The following CCDC171 variants were observed in gnomAD, a reference collection of about 807,000 sequenced individuals.
The protein encoded by CCDC171 is coiled-coil domain-containing protein 171.
CCDC171 carries 177 observed loss-of-function variants against 168.2 expected under a neutral mutation model. That is an observed-to-expected ratio of 1.05 (90% confidence interval 0.93 to 1.19). The LOEUF (loss-of-function observed/expected upper bound fraction) is 1.19, where lower values mean the gene tolerates loss of function less well. Among genes scored for constraint, CCDC171 ranks in the 50% most tolerant of loss-of-function variants. The probability of loss-of-function intolerance (pLI) is 0.00; values close to 1 mark genes in which losing one functional copy is unlikely to be tolerated. For synonymous variants in CCDC171, 687 were observed against 540.8 expected, an observed-to-expected ratio of 1.27 and a Z score of -3.75; for missense variants, 1,991 against 1,539.0, an observed-to-expected ratio of 1.29 and a Z score of -4.91.
chr9:16,061,870 C>G (rs944987427), downstream of CCDC171, among the ~76,000 whole-genome samples: 2 of 152,182 alleles, frequency 1.3e-5, no homozygotes, highest in African/African-American at 4.8e-5. Context: ...TGCCGGCAAA[C>G]AGGCATGCAA....
Position 15,605,099 on chromosome 9 carries a change from G to A in CCDC171, c.675+10927G>A, listed in dbSNP as rs1054041199. Among the ~76,000 whole-genome samples, 10 of 152,052 alleles carry A rather than the reference G, an allele frequency of 6.6e-5. 1 individual carries two copies. The highest frequency in any genetic ancestry group is 5.9e-4 in the Admixed American group (9 of 15,272). ...TTTGTAGAGATGGGGGTCTTCCTTT[G>A]TTGCCTAGGCTGGTCTTGAATTCCT... is the stretch of plus-strand genomic sequence containing the variant. On this transcript the variant is annotated intron_variant, in intron 6 of 25. Coordinates refer to ENST00000380701, the MANE Select transcript of CCDC171 (RefSeq NM_173550.4).
intron 23 of CCDC171, chr9:15,850,242 A>T (rs993924357): frequency 1.3e-5 from 2 of 151,994 alleles, no homozygotes; most frequent in Non-Finnish European, 2.9e-5. Flanking sequence ...TGGAGAAAAA[A>T]AGAGTTAGAT....
At chr9:15,638,236 A>G (rs960781752) in intron 7 of CCDC171, among the ~76,000 whole-genome samples, 2 of 152,132 alleles carry the variant, frequency 1.3e-5, no homozygotes, top group African/African-American at 4.8e-5. Flanking sequence ...ATGATTTCTC[A>G]TATTTAGATT....
chr9:15,902,279 T>TAC (rs1413748480), intron 24 of CCDC171, among the ~76,000 whole-genome samples: 1 of 145,024 alleles, frequency 6.9e-6, no homozygotes, highest in African/African-American at 2.6e-5. Context: ...TATATATATA[T>TAC]ATACACACAC....
intron 1 of CCDC171, among the ~76,000 whole-genome samples, chr9:16,051,253 C>T (rs963071733): frequency 3.9e-5 from 6 of 152,058 alleles, no homozygotes; most frequent in African/African-American, 1.4e-4. Flanking sequence ...TGCTGTCATC[C>T]GTGTCTCTAA....
chr9:16,107,108 C>A, the CCDC171 span, among the ~76,000 whole-genome samples: 1 of 152,108 alleles, frequency 6.6e-6, no homozygotes, highest in East Asian at 1.9e-4. Flanking sequence ...TGATTGTCAC[C>A]CCTAAAGAAA....
chr9:15,936,452 A>T (rs1827131299), intron 25 of CCDC171, among the ~76,000 whole-genome samples: 1 of 151,950 alleles, frequency 6.6e-6, no homozygotes, highest in South Asian at 2.1e-4. Flanking sequence ...AGACCAGCTC[A>T]TCTGTTGATC....
chr9:15,809,335 A>C (rs989638932), intron 21 of CCDC171, among the ~76,000 whole-genome samples: 1 of 152,198 alleles, frequency 6.6e-6, no homozygotes, highest in African/African-American at 2.4e-5. Flanking sequence ...ATTGAAATTT[A>C]AATTAAAATG....
the CCDC171 span, among the ~76,000 whole-genome samples, chr9:16,081,665 TTTA>T: frequency 6.6e-6 from 1 of 152,124 alleles, no homozygotes; most frequent in African/African-American, 2.4e-5. Context: ...TACATTTTTT[TTTA>T]TTGTTTGCAC....
chr9:15,985,074 A>G (rs191379629), intron 3 of CCDC171, among the ~76,000 whole-genome samples: 6 of 152,234 alleles, frequency 3.9e-5, no homozygotes, highest in African/African-American at 1.4e-4. Flanking sequence ...ATTTTTATAA[A>G]TTTCTAAATT....
intron 21 of CCDC171, among the ~76,000 whole-genome samples, chr9:15,785,103 T>C (rs1002408831): frequency 2.0e-5 from 3 of 152,138 alleles, no homozygotes; most frequent in Non-Finnish European, 2.9e-5. Flanking sequence ...CTGATTCTTA[T>C]ATAAGTACAT....
chr9:15,873,638 C>G (rs1378107784), intron 23 of CCDC171, among the ~76,000 whole-genome samples: 1 of 151,974 alleles, frequency 6.6e-6, no homozygotes, highest in South Asian at 2.1e-4. Context: ...GCTTTTTGTT[C>G]TTAAATGCAA....
Position 15,833,448 on chromosome 9 carries a change from G to A in CCDC171, c.3268-13254G>A, listed in dbSNP as rs190287401. On this transcript the variant is annotated intron_variant, in intron 21 of 25. Coordinates refer to ENST00000380701, the MANE Select transcript of CCDC171 (RefSeq NM_173550.4). ...TGTAAATGATATTCATTTATGTTGT[G>A]CCACTTAAAATCTGTGAGTGAAGTT... 9.5e-4 allele frequency among the ~76,000 whole-genome samples: 145 copies of A among 152,200 alleles called. 4 individuals carry two copies. The highest frequency in any genetic ancestry group is 9.2e-4 in the Admixed American group (14 of 15,288).
At chr9:15,974,640 T>C (rs1292291287), downstream of CCDC171, among the ~76,000 whole-genome samples, 1 of 152,180 alleles carries the variant, frequency 6.6e-6, no homozygotes, top group East Asian at 1.9e-4. Context: ...TACATGTATT[T>C]TGGAATGACA....
At position 15,930,024 on chromosome 9, in the gene CCDC171, C is replaced by T. The variant is rs954815966; in HGVS notation, c.3753+9602C>T. Among the ~76,000 whole-genome samples the T allele has an allele frequency of 4.0e-5, 6 of 151,596 alleles. No individual in the cohort carries two copies. The South Asian group carries it at 6.2e-4, about 16-fold the overall frequency. On this transcript the variant is annotated intron_variant, in intron 25 of 25. Transcript: ENST00000380701. Reference sequence around the variant, plus strand: ...GAGTTCTGTATAGTAGTCTGACTTACGTAACCAATTAGTTGTGTATGTATT... The same window carrying T: ...GAGTTCTGTATAGTAGTCTGACTTATGTAACCAATTAGTTGTGTATGTATT...
chr9:15,622,620 GTTAAC>G, intron 6 of CCDC171, among the ~76,000 whole-genome samples: 1 of 152,182 alleles, frequency 6.6e-6, no homozygotes, highest in Admixed American at 6.5e-5. Flanking sequence ...TGATATTTGT[GTTAAC>G]TTTACTTTTG....
At position 15,854,640 on chromosome 9, in the gene CCDC171, C is replaced by T. The variant is rs143049954; in HGVS notation, c.3468+5693C>T. 4.7e-4 allele frequency among the ~76,000 whole-genome samples: 72 copies of T among 151,610 alleles called. 1 individual carries two copies. Among genetic ancestry groups the T allele is most frequent in the African/African-American group, 1.3e-3 (54 of 41,446 alleles). ...TTCTGTTTGCTTTGGGTTTAGTTTG[C>T]GCTCTCTGTCTCTCTCTTAACTGCT... On this transcript the variant is annotated intron_variant, in intron 23 of 25. Coordinates refer to ENST00000380701, the MANE Select transcript of CCDC171 (RefSeq NM_173550.4).
intron 18 of CCDC171, among the ~76,000 whole-genome samples, chr9:15,750,584 C>G (rs546535954): frequency 6.6e-6 from 1 of 151,444 alleles, no homozygotes; most frequent in South Asian, 2.1e-4. Context: ...ACTGGCAAAC[C>G]GAATCCAGCA....
chr9:15,624,645 T>C (rs1423880037), intron 7 of CCDC171, among the ~76,000 whole-genome samples: 1 of 152,220 alleles, frequency 6.6e-6, no homozygotes, highest in Non-Finnish European at 1.5e-5. Flanking sequence ...CATAAACTCA[T>C]CATTTTTTAT....
Sources: allele counts gnomAD v4.1 joint callset (sites outside exome capture counted in the v4.1 genomes callset), GRCh38; gene constraint gnomAD v4.1.1; transcripts MANE v1.5; gene names NCBI Gene and HGNC (gene_info 2026-07-23, HGNC 2026-07-21).